MEGF11: variants seen among roughly 807,000 people sequenced by gnomAD.
MEGF11 encodes multiple epidermal growth factor-like domains protein 11.
In MEGF11, 126 loss-of-function variants were observed where a neutral mutation model predicts 146.6. That is an observed-to-expected ratio of 0.86 (90% CI 0.74 to 1.00). The LOEUF (loss-of-function observed/expected upper bound fraction) is 1.00. MEGF11 is among the 50% of genes least tolerant of loss of function. MEGF11 has a pLI of 0.00. For missense variants in MEGF11, 1,509 were observed against 1,521.2 expected, an observed-to-expected ratio of 0.99 and a Z score of 0.13; for synonymous variants, 532 against 583.4, an observed-to-expected ratio of 0.91 and a Z score of 1.27.
At chr15:66,022,542 G>A (rs766922473) in intron 5 of MEGF11, among the ~76,000 whole-genome samples, 70 of 152,326 alleles carry the variant, frequency 4.6e-4, no homozygotes, top group Middle Eastern at 3.4e-3. Context: ...ATTTCTGTTT[G>A]GGCCCAGCAC....
At chr15:65,934,397 T>C (rs1293456024) in intron 10 of MEGF11, among the ~76,000 whole-genome samples, 1 of 152,186 alleles carries the variant, frequency 6.6e-6, no homozygotes, top group Non-Finnish European at 1.5e-5. Context: ...ATTACAGGCA[T>C]GTGCCACCAC....
chr15:65,999,047 CTTT>C (rs35982125), intron 5 of MEGF11, among the ~76,000 whole-genome samples: 5 of 143,918 alleles, frequency 3.5e-5, no homozygotes, highest in Admixed American at 6.9e-5. Context: ...GGTGTCACTT[CTTT>C]TTTTTTTTTT....
intron 5 of MEGF11, among the ~76,000 whole-genome samples, chr15:66,069,936 A>G (rs1470087383): frequency 6.6e-6 from 1 of 152,266 alleles, no homozygotes; most frequent in East Asian, 1.9e-4. Context: ...AACTTTATTT[A>G]TAAAAGCAGG....
At chr15:66,191,340 C>G (rs1421545787) in intron 1 of MEGF11, among the ~76,000 whole-genome samples, 1 of 151,968 alleles carries the variant, frequency 6.6e-6, no homozygotes, top group Non-Finnish European at 1.5e-5. Context: ...TAAGGTCCCT[C>G]CTGACTAAGC....
intron 4 of MEGF11, among the ~76,000 whole-genome samples, chr15:66,102,670 T>C (rs2086875775): frequency 6.6e-6 from 1 of 152,130 alleles, no homozygotes; most frequent in African/African-American, 2.4e-5. Flanking sequence ...CTCAAACTCC[T>C]GGCCTCAAGC....
rs1464865227 is a variant in MEGF11, at chr15:65,930,963, A to C, written c.1288-20T>G. ...CTCTCCCTGGAAAGGGAGGGGGTGAATTTTGGATCAAAGGTTGCTCCATGT... is the reference window on the plus strand; with the variant it reads ...CTCTCCCTGGAAAGGGAGGGGGTGACTTTTGGATCAAAGGTTGCTCCATGT... On this transcript the variant is annotated intron_variant, in intron 10 of 25. Coordinates refer to ENST00000395614, the MANE Select transcript of MEGF11 (RefSeq NM_001385028.1). 1 of 1,557,898 alleles carries C rather than the reference A, an allele frequency of 6.4e-7. No homozygotes were observed. Among genetic ancestry groups the C allele is most frequent in the Non-Finnish European group, 8.7e-7 (1 of 1,145,602 alleles).
intron 1 of MEGF11, among the ~76,000 whole-genome samples, chr15:66,195,283 A>G (rs7167452): frequency 1 from 151,827 of 152,346 alleles, 75,656 homozygotes; most frequent in Middle Eastern, 1. Context: ...GGTATTGGGG[A>G]TTAGGACTTC....
intron 5 of MEGF11, among the ~76,000 whole-genome samples, chr15:66,060,666 G>T (rs866847225): frequency 2.0e-5 from 3 of 152,236 alleles, no homozygotes; most frequent in Admixed American, 6.5e-5. Flanking sequence ...AGCCTTGGAT[G>T]TTGGTTAACC....
At chr15:66,154,932 C>T (rs1258779739) in intron 1 of MEGF11, among the ~76,000 whole-genome samples, 1 of 152,212 alleles carries the variant, frequency 6.6e-6, no homozygotes, top group Admixed American at 6.5e-5. Flanking sequence ...GTTTCTCTAG[C>T]AGGTTTTCCC....
chr15:66,160,240 G>T (rs1403345836), intron 1 of MEGF11, among the ~76,000 whole-genome samples: 1 of 82,194 alleles, frequency 1.2e-5, no homozygotes, highest in Non-Finnish European at 2.3e-5. Context: ...CCAAGGAAAA[G>T]CCCTCTCTCT....
intron 8 of MEGF11, among the ~76,000 whole-genome samples, chr15:65,966,095 A>G (rs2081085909): frequency 6.6e-6 from 1 of 152,132 alleles, no homozygotes; most frequent in African/African-American, 2.4e-5. Flanking sequence ...TCCCAGGTTC[A>G]AGCTATTCTC....
chr15:66,139,770 T>G (rs1019164780), intron 1 of MEGF11, among the ~76,000 whole-genome samples: 3 of 152,164 alleles, frequency 2.0e-5, no homozygotes, highest in Non-Finnish European at 2.9e-5. Flanking sequence ...TTAAAAAGCT[T>G]AACATGTCAG....
chr15:66,134,833 G>A (rs144925006), intron 1 of MEGF11, among the ~76,000 whole-genome samples: 4 of 152,336 alleles, frequency 2.6e-5, no homozygotes, highest in East Asian at 1.9e-4. Context: ...AACTGGTGCC[G>A]AGAAAAACCT....
At chr15:66,125,539 T>C (rs975403948) in intron 2 of MEGF11, among the ~76,000 whole-genome samples, 1 of 152,222 alleles carries the variant, frequency 6.6e-6, no homozygotes, top group East Asian at 1.9e-4. Context: ...GTTGTTTGAC[T>C]CATATAAGCC....
Position 65,922,367 on chromosome 15 carries a change from G to T in MEGF11, c.1928C>A (p.Pro643Gln). The T allele has an allele frequency of 6.2e-7, 1 of 1,605,490 alleles. No individual in the cohort carries two copies. Among genetic ancestry groups the T allele is most frequent in the Non-Finnish European group, 8.5e-7 (1 of 1,176,280 alleles). ...GTTGCAGAGAGCTCCAGAGAATCCT[G>T]GGAGGCACTCACAGATGCCGCTGAT... is the stretch of plus-strand genomic sequence containing the variant. Reference protein sequence around the residue: ...HHISGICECLPGFSGALCNQV... With the variant: ...HHISGICECLQGFSGALCNQV... Residue 643 changes from proline to glutamine, a missense_variant, in exon 15 of 26, where the codon CCA becomes CAA. Coordinates refer to ENST00000395614, the MANE Select transcript of MEGF11 (RefSeq NM_001385028.1).
intron 25 of MEGF11, 136 bp from the exon 26 acceptor site, chr15:65,898,230 G>A: frequency 2.1e-6 from 3 of 1,437,872 alleles, no homozygotes; most frequent in Non-Finnish European, 2.7e-6. Flanking sequence ...TGAGGGTTAG[G>A]ACTGAGGCTT....
At chr15:66,191,763 T>G (rs1264078686) in intron 1 of MEGF11, among the ~76,000 whole-genome samples, 4 of 152,160 alleles carry the variant, frequency 2.6e-5, no homozygotes, top group Admixed American at 2.0e-4. Flanking sequence ...AGTGGATGCC[T>G]GGGTTATAAT....
In MEGF11 at chr15:65,897,495, T is replaced by C. The variant is rs917500893; in HGVS notation, c.*439A>G. 1 of 152,680 alleles carries C rather than the reference T, an allele frequency of 6.5e-6. No individual in the cohort carries two copies. 9.5% of individuals were successfully genotyped at this position (152,680 alleles called of 1,614,324 possible). ...ATTGTCTTCGGTAATAAAACAGATGTTGATGGTAACAGCAACCAAAAGTAC... is the reference window on the plus strand; with the variant it reads ...ATTGTCTTCGGTAATAAAACAGATGCTGATGGTAACAGCAACCAAAAGTAC... On this transcript the variant is annotated 3_prime_UTR_variant, in exon 26 of 26. Transcript: ENST00000395614.
intron 1 of MEGF11, among the ~76,000 whole-genome samples, chr15:66,144,825 C>T (rs143627455): frequency 9.2e-5 from 14 of 152,328 alleles, no homozygotes; most frequent in African/African-American, 3.4e-4. Context: ...AGAGACAAAC[C>T]TGTTCATCCT....
Sources: gnomAD v4.1 joint callset for allele counts (sites outside exome capture counted in the v4.1 genomes callset) on GRCh38, gnomAD v4.1.1 for gene constraint, MANE v1.5 for transcripts, NCBI Gene and HGNC (gene_info 2026-07-23, HGNC 2026-07-21) for gene names.